The following MTHFD2L variants were observed in gnomAD, a reference collection of about 807,000 sequenced individuals.
MTHFD2L encodes bifunctional methylenetetrahydrofolate dehydrogenase/cyclohydrolase 2, mitochondrial.
In MTHFD2L, 29 loss-of-function variants were observed where a neutral mutation model predicts 34.9. The observed-to-expected ratio is 0.83, with a 90% CI of 0.62 to 1.13. The LOEUF (loss-of-function observed/expected upper bound fraction) is 1.13. Ranked by LOEUF, MTHFD2L falls within the 50% of genes most tolerant of loss-of-function variation. The probability of loss-of-function intolerance (pLI) is 0.00; values close to 1 mark genes in which losing one functional copy is unlikely to be tolerated. For synonymous variants in MTHFD2L, 167 were observed against 155.7 expected (o/e 1.07, Z -0.54); for missense variants, 481 against 446.5 (o/e 1.08, Z -0.70).
At chr4:74,125,771 G>A (rs913321357) in intron 1 of MTHFD2L, among the ~76,000 whole-genome samples, 1 of 151,642 alleles carries the variant, frequency 6.6e-6, no homozygotes, top group Admixed American at 6.6e-5. Context: ...CAAAACAAAA[G>A]CATAACAAAA....
chr4:74,299,027 TTAA>T (rs1749970910), intron 7 of MTHFD2L, among the ~76,000 whole-genome samples: 1 of 151,982 alleles, frequency 6.6e-6, no homozygotes, highest in South Asian at 2.1e-4. Flanking sequence ...TGGCAAGTAA[TTAA>T]TAAGTACTCA....
intron 3 of MTHFD2L, among the ~76,000 whole-genome samples, chr4:74,187,733 T>C (rs1731564104): frequency 7.5e-6 from 1 of 134,224 alleles, no homozygotes; most frequent in East Asian, 2.2e-4. Flanking sequence ...AAACGTTAAA[T>C]ACACACACAC....
chr4:74,210,534 C>G (rs958684271), intron 5 of MTHFD2L, among the ~76,000 whole-genome samples: 1 of 152,118 alleles, frequency 6.6e-6, no homozygotes, highest in Non-Finnish European at 1.5e-5. Context: ...GGCCTCTGTT[C>G]TATTCCATTG....
chr4:74,129,102 A>G (rs1482577001), intron 1 of MTHFD2L, among the ~76,000 whole-genome samples: 1 of 152,088 alleles, frequency 6.6e-6, no homozygotes, highest in African/African-American at 2.4e-5. Flanking sequence ...GGCTTACAAT[A>G]AACATCTTTT....
chr4:74,217,661 T>C (rs2110100415), intron 5 of MTHFD2L, among the ~76,000 whole-genome samples: 1 of 151,950 alleles, frequency 6.6e-6, no homozygotes, highest in East Asian at 1.9e-4. Flanking sequence ...TGATTCAGGA[T>C]CAGGCAGATG....
chr4:74,283,709 A>G (rs1027984761), intron 7 of MTHFD2L, among the ~76,000 whole-genome samples: 5 of 152,268 alleles, frequency 3.3e-5, no homozygotes, highest in African/African-American at 1.2e-4. Context: ...CTCATAAAAG[A>G]CACCCATATG....
At chr4:74,231,014 G>A (rs541445612) in intron 6 of MTHFD2L, among the ~76,000 whole-genome samples, 1 of 152,062 alleles carries the variant, frequency 6.6e-6, no homozygotes, top group Non-Finnish European at 1.5e-5. Flanking sequence ...GTGTCACGGT[G>A]GTGAAAGCTG....
At chr4:74,180,442 A>C (rs1411274603) in intron 3 of MTHFD2L, among the ~76,000 whole-genome samples, 1 of 152,156 alleles carries the variant, frequency 6.6e-6, no homozygotes, top group Non-Finnish European at 1.5e-5. Context: ...GTAAATGTGT[A>C]TTTCAAATTA....
intron 1 of MTHFD2L, among the ~76,000 whole-genome samples, chr4:74,128,957 G>A (rs1308201539): frequency 6.6e-6 from 1 of 152,000 alleles, no homozygotes; most frequent in African/African-American, 2.4e-5. Context: ...TTTTCTGGTT[G>A]TTCTGAGACT....
chr4:74,298,670 A>T (rs1749921267), intron 7 of MTHFD2L, among the ~76,000 whole-genome samples: 1 of 152,070 alleles, frequency 6.6e-6, no homozygotes, highest in Non-Finnish European at 1.5e-5. Flanking sequence ...TAGTTCAGAG[A>T]TGATGAGCTA....
At chr4:74,137,237 G>C (rs189625410) in intron 1 of MTHFD2L, among the ~76,000 whole-genome samples, 1 of 152,206 alleles carries the variant, frequency 6.6e-6, no homozygotes, top group East Asian at 1.9e-4. Flanking sequence ...TTAATAACTA[G>C]AGTATATAGA....
chr4:74,236,577 C>T lies in MTHFD2L; in HGVS notation c.805+11183C>T, dbSNP rs529049402. On this transcript the variant is annotated intron_variant, in intron 6 of 7. Coordinates refer to ENST00000325278, the MANE Select transcript of MTHFD2L (RefSeq NM_001144978.3). The stretch of plus-strand genomic sequence containing the variant: ...GCTCAGGTCAAGGCAACTTATGACA[C>T]GCCAGGGTCTACATTGCTAGTATGG... Among the ~76,000 whole-genome samples the T allele has an allele frequency of 5.3e-5, 8 of 152,342 alleles. No homozygotes were observed. In the East Asian group the frequency reaches 5.8e-4, roughly 11 times the overall value.
intron 6 of MTHFD2L, among the ~76,000 whole-genome samples, chr4:74,245,722 G>A (rs922421209): frequency 4.6e-5 from 7 of 151,986 alleles, no homozygotes; most frequent in South Asian, 2.1e-4. Context: ...GTGAGAACAC[G>A]TGGTGTTTGG....
intron 1 of MTHFD2L, among the ~76,000 whole-genome samples, chr4:74,142,221 AT>A (rs1234490021): frequency 6.6e-6 from 1 of 152,194 alleles, no homozygotes; most frequent in Non-Finnish European, 1.5e-5. Context: ...AATATCCCAA[AT>A]TTTACACATT....
chr4:74,125,206 T>C (rs1218716533), upstream of MTHFD2L, among the ~76,000 whole-genome samples: 1 of 152,126 alleles, frequency 6.6e-6, no homozygotes, highest in Non-Finnish European at 1.5e-5. Context: ...TACATGTTGA[T>C]TAACCCAAGT....
At chr4:74,176,480 T>G (rs1252423353) in intron 3 of MTHFD2L, among the ~76,000 whole-genome samples, 1 of 152,056 alleles carries the variant, frequency 6.6e-6, no homozygotes, top group Non-Finnish European at 1.5e-5. Context: ...ATCCCCTCTG[T>G]CTGTTATCCA....
intron 3 of MTHFD2L, among the ~76,000 whole-genome samples, chr4:74,189,768 A>G (rs753184504): frequency 1.1e-4 from 16 of 152,182 alleles, no homozygotes; most frequent in Non-Finnish European, 1.6e-4. Context: ...GAATTTTTTG[A>G]ACAAGTTACT....
intron 1 of MTHFD2L, among the ~76,000 whole-genome samples, chr4:74,139,388 AGGGCTAGGGAT>A (rs1578243682): frequency 6.6e-6 from 1 of 152,202 alleles, no homozygotes; most frequent in East Asian, 1.9e-4. Flanking sequence ...CAGAGTATCC[AGGGCTAGGGAT>A]GGTAGTGCTG....
intron 3 of MTHFD2L, chr4:74,194,334 C>T (rs1733101596): frequency 6.6e-6 from 1 of 152,170 alleles, no homozygotes. Flanking sequence ...TATCCAAATT[C>T]TAGCTGTCCT....
Sources: allele counts gnomAD v4.1 joint callset (sites outside exome capture counted in the v4.1 genomes callset), GRCh38; gene constraint gnomAD v4.1.1; transcripts MANE v1.5; gene names NCBI Gene and HGNC (gene_info 2026-07-23, HGNC 2026-07-21).